NUP205: variants seen among roughly 807,000 people sequenced by gnomAD.
NUP205 encodes the protein nucleoporin 205.
In NUP205, 76 loss-of-function variants were observed where a neutral mutation model predicts 253.8. That is an observed-to-expected ratio of 0.30 (90% CI 0.25 to 0.36). NUP205 has a LOEUF of 0.36. NUP205 is among the 10% of genes least tolerant of loss of function. The probability of loss-of-function intolerance (pLI) is 1.00; values close to 1 mark genes in which losing one functional copy is unlikely to be tolerated. For missense variants in NUP205, 2,162 were observed against 2,425.5 expected, an observed-to-expected ratio of 0.89 and a Z score of 2.28; for synonymous variants, 832 against 850.1, an observed-to-expected ratio of 0.98 and a Z score of 0.37.
At chr7:135,643,425 G>GGTC in intron 39 of NUP205, 67 bp downstream of exon 39, 1 of 1,039,888 alleles carries the variant, frequency 9.6e-7, no homozygotes, top group Non-Finnish European at 1.3e-6. Context: ...AGGGTACTCA[G>GGTC]ACTGAGTAAA....
At position 135,577,901 on chromosome 7, in the gene NUP205, C is replaced by T. The variant is rs770045040; in HGVS notation, c.754C>T (p.His252Tyr). ...GKEDTLLLIG[H>Y]LERVTVEANG... ...AGAAGACACTCTCCTCCTCATTGGA[C>T]ATTTGGAAAGAGTGACAGTTGAGGC... The change falls in exon 6 of 43, where the codon CAT becomes TAT. Residue 252 changes from histidine to tyrosine, a missense_variant. His to Tyr is a moderately conservative substitution (Grantham distance 83). This residue lies in a region of NUP205 where 892 missense variants were observed against 957.1 expected (regional missense o/e 0.93). Coordinates refer to ENST00000285968, the MANE Select transcript of NUP205 (RefSeq NM_015135.3). The T allele has an allele frequency of 3.9e-5, 63 of 1,614,074 alleles. No homozygotes were observed. Among genetic ancestry groups the T allele is most frequent in the Non-Finnish European group, 4.9e-5 (58 of 1,179,968 alleles).
In NUP205 at chr7:135,643,082, G is replaced by C. The variant is rs181345626; in HGVS notation, c.5393-110G>C. Reference sequence around the variant, plus strand: ...TAATCTTGGGTTGGTTTTAATGACAGGTTACATGTCCTTAAATTCTGGGGC... The same window carrying C: ...TAATCTTGGGTTGGTTTTAATGACACGTTACATGTCCTTAAATTCTGGGGC... On this transcript the variant is annotated intron_variant, in intron 38 of 42. Transcript: ENST00000285968. 269 of 1,019,078 alleles carry C rather than the reference G, an allele frequency of 2.6e-4. 2 individuals are homozygous for C. In the Admixed American group the frequency reaches 5.3e-3, roughly 20 times the overall value. The allele number at this position is 1,019,078 out of a possible 1,614,324, so 63.1% of individuals were successfully genotyped here. A position where few individuals can be genotyped will look rare whatever the true frequency, so the allele number is the denominator to read the frequency against.
chr7:135,588,113 T>C, intron 10 of NUP205, 121 bp downstream of exon 10: 1 of 696,496 alleles, frequency 1.4e-6, no homozygotes, highest in South Asian at 3.9e-5. Flanking sequence ...GTGTAACCTT[T>C]AGAGACTTAC....
At chr7:135,639,690 CAA>C (rs34071969) in intron 38 of NUP205, among the ~76,000 whole-genome samples, 68 of 106,586 alleles carry the variant, frequency 6.4e-4, no homozygotes, top group Non-Finnish European at 6.2e-4. Flanking sequence ...GACTTTGTCT[CAA>C]AAAAAAAAAA....
chr7:135,640,416 A>G (rs1290327696), intron 38 of NUP205, among the ~76,000 whole-genome samples: 5 of 152,202 alleles, frequency 3.3e-5, no homozygotes, highest in Admixed American at 6.5e-5. Context: ...TGGTAATTAT[A>G]TAAAGTTGGG....
chr7:135,604,899 GTAGAGTGTTTT>G (rs888130932), intron 19 of NUP205, among the ~76,000 whole-genome samples: 3 of 152,138 alleles, frequency 2.0e-5, no homozygotes, highest in African/African-American at 7.2e-5. Context: ...TGATGACACT[GTAGAGTGTTTT>G]TAGGAGTTCC....
intron 22 of NUP205, among the ~76,000 whole-genome samples, chr7:135,609,251 A>G (rs1232743542): frequency 6.6e-6 from 1 of 151,964 alleles, no homozygotes; most frequent in Admixed American, 6.6e-5. Flanking sequence ...ACATGGTGAA[A>G]CCCCATCTCT....
At chr7:135,583,844 C>CTT (rs756603941) in intron 7 of NUP205, among the ~76,000 whole-genome samples, 2 of 138,956 alleles carry the variant, frequency 1.4e-5, no homozygotes, top group Non-Finnish European at 3.1e-5. Flanking sequence ...TTCTTTCTTT[C>CTT]TTTTTTTTTT....
intron 21 of NUP205, 97 bp from the exon 22 acceptor site, chr7:135,607,150 G>A: frequency 7.0e-7 from 1 of 1,430,442 alleles, no homozygotes. Flanking sequence ...TTACAGTACA[G>A]CATATATTTA....
chr7:135,628,888 G>A (rs1049795681), intron 34 of NUP205, among the ~76,000 whole-genome samples: 2 of 152,204 alleles, frequency 1.3e-5, no homozygotes, highest in Non-Finnish European at 2.9e-5. Flanking sequence ...CTGGGTTGAC[G>A]TCCTACTTCT....
Position 135,584,944 on chromosome 7 carries a change from A to G in NUP205, c.1155A>G (p.Glu385=), listed in dbSNP as rs1806415454. ...SVVVSEYFYQ[E]EFYIRRVHNL... ...TGGTATCAGAATACTTTTATCAGGA[A>G]GAATTTTATATTCGCAGAGTCCATA... The change falls in exon 8 of 43, where the codon GAA becomes GAG. Residue 385 remains glutamate (E), a synonymous_variant. Coordinates refer to ENST00000285968, the MANE Select transcript of NUP205 (RefSeq NM_015135.3). The G allele has an allele frequency of 6.2e-7, 1 of 1,613,908 alleles. No homozygotes were observed. Among genetic ancestry groups the G allele is most frequent in the South Asian group, 1.1e-5 (1 of 91,078 alleles).
chr7:135,644,267 T>G (rs1449723884), intron 39 of NUP205, among the ~76,000 whole-genome samples: 1 of 152,128 alleles, frequency 6.6e-6, no homozygotes, highest in African/African-American at 2.4e-5. Context: ...CCCCTGAAAT[T>G]TTGGGTTCAT....
intron 35 of NUP205, among the ~76,000 whole-genome samples, chr7:135,631,910 T>C (rs1005824682): frequency 7.9e-5 from 12 of 152,088 alleles, no homozygotes; most frequent in Non-Finnish European, 1.3e-4. Flanking sequence ...CCACCACGCC[T>C]GGCTAATTTT....
intron 22 of NUP205, among the ~76,000 whole-genome samples, chr7:135,610,351 G>A (rs148403394): frequency 0.09 from 13,681 of 152,222 alleles, 733 homozygotes; most frequent in Non-Finnish European, 0.13. Flanking sequence ...CTCCCAAGTA[G>A]CAGGGATTAC....
intron 32 of NUP205, among the ~76,000 whole-genome samples, chr7:135,625,586 T>C (rs1222816265): frequency 6.6e-6 from 1 of 152,160 alleles, no homozygotes; most frequent in Non-Finnish European, 1.5e-5. Flanking sequence ...CTCACTCAGG[T>C]TGCTCATGAT....
intron 38 of NUP205, among the ~76,000 whole-genome samples, chr7:135,641,866 G>A (rs1794920499): frequency 1.3e-5 from 2 of 152,094 alleles, no homozygotes; most frequent in African/African-American, 4.8e-5. Flanking sequence ...TAAGGGAGTT[G>A]ATAGTGAAGA....
At chr7:135,572,662 C>T (rs1563111100) in intron 2 of NUP205, among the ~76,000 whole-genome samples, 1 of 152,174 alleles carries the variant, frequency 6.6e-6, no homozygotes, top group Non-Finnish European at 1.5e-5. Context: ...CGTGTTCAAG[C>T]AATCCTCCTT....
At chr7:135,581,728 C>T (rs1302476098) in intron 7 of NUP205, among the ~76,000 whole-genome samples, 1 of 151,576 alleles carries the variant, frequency 6.6e-6, no homozygotes, top group East Asian at 1.9e-4. Context: ...TGGCGCGTGC[C>T]TGTAATCCCA....
intron 23 of NUP205, 26 bp from the exon 24 acceptor site, chr7:135,615,890 A>G (rs995478008): frequency 6.3e-7 from 1 of 1,586,220 alleles, no homozygotes; most frequent in Non-Finnish European, 8.6e-7. Context: ...ACTCTGGGAA[A>G]CAAAATTTAC....
Sources: allele counts gnomAD v4.1 joint callset (sites outside exome capture counted in the v4.1 genomes callset), GRCh38; gene constraint gnomAD v4.1.1; regional missense constraint gnomAD v4.1.1; transcripts MANE v1.5; gene names NCBI Gene and HGNC (gene_info 2026-07-23, HGNC 2026-07-21).